Variants in QTMAN observed in about 807,000 individuals in gnomAD.
The protein encoded by QTMAN is queuosine-tRNA mannosyltransferase.
At chr2:144,159,822 G>C in the QTMAN span, among the ~76,000 whole-genome samples, 2 of 152,064 alleles carry the variant, frequency 1.3e-5, no homozygotes, top group Non-Finnish European at 2.9e-5. Context: ...TGAAAAAGTT[G>C]TAATAAGAAA....
the QTMAN span, among the ~76,000 whole-genome samples, chr2:143,991,422 G>A: frequency 9.9e-5 from 15 of 150,844 alleles, no homozygotes; most frequent in East Asian, 2.0e-3. Context: ...TGCCCCGTCC[G>A]GGAGGGAGGT....
chr2:144,284,440 G>A, the QTMAN span, among the ~76,000 whole-genome samples: 1 of 151,700 alleles, frequency 6.6e-6, no homozygotes, highest in Non-Finnish European at 1.5e-5. Context: ...AAGTTATTAA[G>A]TTATACATTA....
chr2:144,261,134 T>C, the QTMAN span, among the ~76,000 whole-genome samples: 3 of 152,324 alleles, frequency 2.0e-5, no homozygotes, highest in South Asian at 4.1e-4. Context: ...AATAAGCTTT[T>C]TGGCATAAAG....
chr2:144,259,579 T>G, the QTMAN span, among the ~76,000 whole-genome samples: 5 of 152,310 alleles, frequency 3.3e-5, no homozygotes, highest in East Asian at 9.6e-4. Context: ...TCTGGGGTTT[T>G]GCTATTCAGG....
At chr2:144,018,632 T>C in the QTMAN span, among the ~76,000 whole-genome samples, 5 of 152,158 alleles carry the variant, frequency 3.3e-5, no homozygotes, top group African/African-American at 1.2e-4. Flanking sequence ...CCATTACTCA[T>C]TACTACAATA....
At chr2:143,972,370 A>T in the QTMAN span, among the ~76,000 whole-genome samples, 88 of 152,254 alleles carry the variant, frequency 5.8e-4, no homozygotes, top group African/African-American at 2.0e-3. Flanking sequence ...TCAGTTCTCT[A>T]AATTTTTCAT....
At chr2:144,135,606 C>T in the QTMAN span, among the ~76,000 whole-genome samples, 84 of 152,014 alleles carry the variant, frequency 5.5e-4, 1 homozygote, top group East Asian at 0.016. Flanking sequence ...TTTCAAAAGC[C>T]TTGAGCGCTT....
chr2:143,948,345 A>C, the QTMAN span, among the ~76,000 whole-genome samples: 1 of 152,172 alleles, frequency 6.6e-6, no homozygotes, highest in African/African-American at 2.4e-5. Flanking sequence ...ATGTTGAAGA[A>C]CTTGAAGAGG....
chr2:144,191,369 C>T, the QTMAN span, among the ~76,000 whole-genome samples: 3 of 152,084 alleles, frequency 2.0e-5, no homozygotes, highest in South Asian at 6.2e-4. Flanking sequence ...AGTATTAAGC[C>T]ATTACTATAT....
chr2:144,227,858 C>T, the QTMAN span, among the ~76,000 whole-genome samples: 1 of 152,308 alleles, frequency 6.6e-6, no homozygotes, highest in East Asian at 1.9e-4. Flanking sequence ...AAAGCTAAAA[C>T]ACTCATTATC....
the QTMAN span, among the ~76,000 whole-genome samples, chr2:144,316,301 A>G: frequency 2.0e-5 from 3 of 151,904 alleles, no homozygotes; most frequent in African/African-American, 7.2e-5. Flanking sequence ...CAAGAAGATG[A>G]TATTTTGTTA....
the QTMAN span, among the ~76,000 whole-genome samples, chr2:144,089,531 G>A: frequency 2.0e-5 from 3 of 151,826 alleles, no homozygotes; most frequent in Non-Finnish European, 2.9e-5. Context: ...GCAAAGATAC[G>A]GAGTCAACTT....
chr2:144,211,523 C>T, the QTMAN span: 2 of 152,554 alleles, frequency 1.3e-5, no homozygotes, highest in African/African-American at 4.8e-5. Context: ...ACTTCTATTG[C>T]AACTTTTGCA....
the QTMAN span, among the ~76,000 whole-genome samples, chr2:144,160,114 AAGG>A: frequency 1.3e-5 from 2 of 152,138 alleles, no homozygotes; most frequent in Non-Finnish European, 2.9e-5. Context: ...TTCTCCTCTA[AAGG>A]AGGAGAAGGC....
At chr2:144,108,441 C>A in the QTMAN span, among the ~76,000 whole-genome samples, 1 of 152,048 alleles carries the variant, frequency 6.6e-6, no homozygotes, top group African/African-American at 2.4e-5. Context: ...AAATGGAGAC[C>A]ACCTTGGCTA....
At chr2:143,966,355 T>C in the QTMAN span, among the ~76,000 whole-genome samples, 3 of 152,214 alleles carry the variant, frequency 2.0e-5, no homozygotes, top group African/African-American at 7.2e-5. Flanking sequence ...GAAATGTCAG[T>C]TCTATCATTT....
chr2:144,105,933 G>A, the QTMAN span, among the ~76,000 whole-genome samples: 1 of 152,200 alleles, frequency 6.6e-6, no homozygotes, highest in Non-Finnish European at 1.5e-5. Context: ...ATCCAGAAGA[G>A]AGTGGGGGGC....
At chr2:144,134,100 C>A in the QTMAN span, among the ~76,000 whole-genome samples, 1 of 152,126 alleles carries the variant, frequency 6.6e-6, no homozygotes, top group African/African-American at 2.4e-5. Flanking sequence ...TGGGGAGCCA[C>A]GGGGGCTGCC....
chr2:144,255,878 C>T, the QTMAN span, among the ~76,000 whole-genome samples: 6 of 152,100 alleles, frequency 3.9e-5, no homozygotes, highest in African/African-American at 4.8e-5. Context: ...AATATTGGTT[C>T]GTCTATTGTA....
Sources: gnomAD v4.1 joint callset for allele counts (sites outside exome capture counted in the v4.1 genomes callset) on GRCh38, gnomAD v4.1.1 for gene constraint, MANE v1.5 for transcripts, NCBI Gene and HGNC (gene_info 2026-07-23, HGNC 2026-07-21) for gene names.